The following KCNIP3 variants were observed in gnomAD, a reference collection of about 807,000 sequenced individuals.
The protein encoded by KCNIP3 is potassium voltage-gated channel interacting protein 3.
KCNIP3 carries 28 observed loss-of-function variants against 35.0 expected under a neutral mutation model. That is an observed-to-expected ratio of 0.80 (90% CI 0.59 to 1.10). KCNIP3 has a LOEUF of 1.10. Among genes scored for constraint, KCNIP3 ranks in the 50% least tolerant of loss-of-function variants. The probability of loss-of-function intolerance (pLI) is 0.00; values close to 1 mark genes in which losing one functional copy is unlikely to be tolerated. For missense variants in KCNIP3, 295 were observed against 338.4 expected, an observed-to-expected ratio of 0.87 and a Z score of 1.01; for synonymous variants, 134 against 133.8, an observed-to-expected ratio of 1.00 and a Z score of -0.01.
At chr2:95,316,920 A>G (rs146275003) in intron 2 of KCNIP3, among the ~76,000 whole-genome samples, 1 of 152,332 alleles carries the variant, frequency 6.6e-6, no homozygotes, top group East Asian at 1.9e-4. Flanking sequence ...CCTGGCTGTT[A>G]TCGCCTTTAT....
chr2:95,363,003 C>T (rs1479578901), intron 2 of KCNIP3, among the ~76,000 whole-genome samples: 1 of 152,138 alleles, frequency 6.6e-6, no homozygotes, highest in Non-Finnish European at 1.5e-5. Context: ...TTCTGGTTTC[C>T]CTTTCTGCTG....
chr2:95,298,094 G>A (rs565996190), intron 1 of KCNIP3, among the ~76,000 whole-genome samples: 2 of 152,340 alleles, frequency 1.3e-5, no homozygotes, highest in Admixed American at 6.5e-5. Context: ...AGAAACAGTG[G>A]TGGGGAACAG....
chr2:95,362,802 C>T (rs1231189477), intron 2 of KCNIP3, among the ~76,000 whole-genome samples: 2 of 152,182 alleles, frequency 1.3e-5, no homozygotes, highest in Non-Finnish European at 2.9e-5. Flanking sequence ...TACTGGTCCT[C>T]GGCCCAGGGA....
rs774335084 is a variant in KCNIP3 at position 95,381,563 on chromosome 2, G to C, written c.448-33G>C. ...GGAACTAGAACCTGGGCATTGATTGGATGTCACGCCCCACACTCTCCTTTC... is the reference window on the plus strand; with the variant it reads ...GGAACTAGAACCTGGGCATTGATTGCATGTCACGCCCCACACTCTCCTTTC... On this transcript the variant is annotated intron_variant, in intron 5 of 8. Coordinates refer to ENST00000295225, the MANE Select transcript of KCNIP3 (RefSeq NM_013434.5). The C allele has an allele frequency of 8.1e-6, 12 of 1,488,170 alleles. No homozygotes were observed. The South Asian group carries it at 1.1e-4, about 14-fold the overall frequency. 92.2% of individuals were successfully genotyped at this position (1,488,170 alleles called of 1,614,324 possible).
chr2:95,335,139 G>A (rs1488946344), intron 2 of KCNIP3, among the ~76,000 whole-genome samples: 3 of 152,180 alleles, frequency 2.0e-5, no homozygotes, highest in South Asian at 4.1e-4. Flanking sequence ...CAGATCACTG[G>A]TCCTGACTCT....
At chr2:95,322,365 G>T (rs1246953633) in intron 2 of KCNIP3, among the ~76,000 whole-genome samples, 1 of 151,806 alleles carries the variant, frequency 6.6e-6, no homozygotes, top group African/African-American at 2.4e-5. Context: ...CTGCCTCAAA[G>T]AAAAAAATAA....
In KCNIP3 at chr2:95,377,622, A is replaced by G. The variant is rs976687819; in HGVS notation, c.447+2414A>G. ...TTTGGCATTCAGAGCATGGAGTTAC[A>G]ACTTGCCATGGTTGCACTGTGTATG... On this transcript the variant is annotated intron_variant, in intron 5 of 8. Transcript: ENST00000295225. The surrounding 1 kb of genome is among the most constrained non-coding windows in gnomAD (Gnocchi z 4.7). Among the ~76,000 whole-genome samples, 9 of 152,232 alleles carry G rather than the reference A, an allele frequency of 5.9e-5. No individual in the cohort carries two copies. Among genetic ancestry groups the G allele is most frequent in the Non-Finnish European group, 1.3e-4 (9 of 68,038 alleles).
In KCNIP3 at chr2:95,382,020, C is replaced by G. The variant is rs539737523; in HGVS notation, c.555+317C>G. Among the ~76,000 whole-genome samples the G allele has an allele frequency of 1.8e-4, 27 of 152,328 alleles. No individual in the cohort carries two copies. The highest frequency in any genetic ancestry group is 6.5e-4 in the African/African-American group (27 of 41,578). ...GAAGCCAGAGGTCCTGGCCTTGGCC[C>G]CCATCAAGTGAAGGGGGCAGTGCGG... On this transcript the variant is annotated intron_variant, in intron 6 of 8. Transcript: ENST00000295225. This position sits in a 1 kb window ranked among gnomAD's most constrained non-coding sequence, Gnocchi z 4.5.
chr2:95,346,541 C>G (rs1010016367), intron 2 of KCNIP3, among the ~76,000 whole-genome samples: 9 of 147,236 alleles, frequency 6.1e-5, no homozygotes, highest in Non-Finnish European at 1.2e-4. Flanking sequence ...GGCCAATGAG[C>G]GCGCGGGGAG....
Position 95,384,114 on chromosome 2 carries a change from G to A in KCNIP3, c.*65G>A, listed in dbSNP as rs1270631339. ...CCCCAAGAAACCTCCATCCTGCCAG[G>A]AGCAGCCTCCAAGAAACTTTTAAAA... On this transcript the variant is annotated 3_prime_UTR_variant, in exon 9 of 9. Transcript: ENST00000295225. The A allele has an allele frequency of 9.5e-6, 14 of 1,468,104 alleles. No individual in the cohort carries two copies. Among genetic ancestry groups the A allele is most frequent in the Non-Finnish European group, 1.0e-5 (11 of 1,048,624 alleles). 90.9% of individuals were successfully genotyped at this position (1,468,104 alleles called of 1,614,324 possible).
At chr2:95,326,262 T>TACA in intron 2 of KCNIP3, among the ~76,000 whole-genome samples, 1 of 9,428 alleles carries the variant, frequency 1.1e-4, no homozygotes, top group South Asian at 1.8e-3. Context: ...ACACATACAC[T>TACA]CACACATACA....
chr2:95,383,404 G>A, intron 8 of KCNIP3, 110 bp downstream of exon 8: 1 of 1,106,196 alleles, frequency 9.0e-7, no homozygotes, highest in Non-Finnish European at 1.3e-6. Flanking sequence ...TGCCAGTCCA[G>A]GATGTGGCAG....
chr2:95,336,914 C>A (rs1679075045), intron 2 of KCNIP3, among the ~76,000 whole-genome samples: 1 of 152,182 alleles, frequency 6.6e-6, no homozygotes, highest in Admixed American at 6.5e-5. Context: ...TGCTCTCTGA[C>A]CCCTGGGATC....
intron 2 of KCNIP3, among the ~76,000 whole-genome samples, chr2:95,346,003 G>A (rs1443746211): frequency 1.3e-5 from 2 of 152,234 alleles, no homozygotes; most frequent in Non-Finnish European, 2.9e-5. Flanking sequence ...CTCGACCAAG[G>A]TCACGCAGCA....
At chr2:95,344,662 T>C (rs1679303245) in intron 2 of KCNIP3, among the ~76,000 whole-genome samples, 1 of 152,206 alleles carries the variant, frequency 6.6e-6, no homozygotes, top group Non-Finnish European at 1.5e-5. Context: ...ATGGCCTCCT[T>C]TGCATGCTCA....
intron 2 of KCNIP3, among the ~76,000 whole-genome samples, chr2:95,331,584 T>G (rs1284786029): frequency 5.3e-5 from 8 of 152,202 alleles, no homozygotes; most frequent in Non-Finnish European, 1.2e-4. Flanking sequence ...AAAGGCCTCC[T>G]TGCTCCCGCT....
At chr2:95,347,427 T>A (rs1288991623) in intron 2 of KCNIP3, among the ~76,000 whole-genome samples, 2 of 152,140 alleles carry the variant, frequency 1.3e-5, no homozygotes, top group African/African-American at 4.8e-5. Flanking sequence ...CCGGCTTGGG[T>A]CGCCCTGTAG....
intron 1 of KCNIP3, 54 bp from the exon 2 acceptor site, chr2:95,310,300 AG>A: frequency 1.2e-6 from 2 of 1,607,372 alleles, no homozygotes; most frequent in Non-Finnish European, 8.5e-7. Context: ...GGGACCATCC[AG>A]GGGTCCCCCC....
intron 2 of KCNIP3, among the ~76,000 whole-genome samples, chr2:95,347,334 TGTGA>T (rs1445824176): frequency 6.6e-6 from 1 of 152,098 alleles, no homozygotes; most frequent in Non-Finnish European, 1.5e-5. Context: ...TTGGGCTGGG[TGTGA>T]GTGAGGCGCC....
Sources: allele counts gnomAD v4.1 joint callset (sites outside exome capture counted in the v4.1 genomes callset), GRCh38; gene constraint gnomAD v4.1.1; non-coding constraint Gnocchi (gnomAD v3.1); transcripts MANE v1.5; gene names NCBI Gene and HGNC (gene_info 2026-07-23, HGNC 2026-07-21).